Variants in PDE10A observed in about 807,000 individuals in gnomAD.
PDE10A encodes the protein phosphodiesterase 10A.
PDE10A carries 39 observed loss-of-function variants against 97.7 expected under a neutral mutation model. The ratio of observed to expected loss-of-function variants is 0.40; its 90% CI spans 0.31 to 0.52. PDE10A has a LOEUF of 0.52. Ranked by LOEUF, PDE10A falls within the 20% of genes least tolerant of loss-of-function variation. PDE10A has a pLI of 0.56. For missense variants in PDE10A, 731 were observed against 1,047.8 expected, an observed-to-expected ratio of 0.70 and a Z score of 4.17; for synonymous variants, 371 against 376.8, an observed-to-expected ratio of 0.98 and a Z score of 0.18.
chr6:165,478,806 C>A (rs1453513991), intron 3 of PDE10A, among the ~76,000 whole-genome samples: 4 of 152,286 alleles, frequency 2.6e-5, no homozygotes, highest in South Asian at 2.1e-4. Flanking sequence ...AAAGCTTGGG[C>A]TCCAAAACCC....
chr6:165,925,437 C>G (rs1458895313), intron 1 of PDE10A, among the ~76,000 whole-genome samples: 1 of 152,184 alleles, frequency 6.6e-6, no homozygotes, highest in African/African-American at 2.4e-5. Context: ...AACCTGTACA[C>G]AAATGTTCAT....
At chr6:165,552,549 A>C (rs964381462) in intron 1 of PDE10A, among the ~76,000 whole-genome samples, 1 of 152,166 alleles carries the variant, frequency 6.6e-6, no homozygotes, top group Non-Finnish European at 1.5e-5. Flanking sequence ...CCAATAAGAA[A>C]ACTGGGAATT....
intron 1 of PDE10A, among the ~76,000 whole-genome samples, chr6:165,855,881 G>A (rs559521799): frequency 3.2e-4 from 48 of 152,244 alleles, no homozygotes; most frequent in African/African-American, 1.0e-3. Flanking sequence ...AGGAAGCCCC[G>A]CTTTCTTTCT....
At chr6:165,541,485 T>C (rs1342605016) in intron 2 of PDE10A, among the ~76,000 whole-genome samples, 1 of 152,198 alleles carries the variant, frequency 6.6e-6, no homozygotes, top group Admixed American at 6.5e-5. Context: ...ACAATGTTTA[T>C]GAAAATTCAA....
chr6:165,586,871 T>C (rs996777650), intron 1 of PDE10A, among the ~76,000 whole-genome samples: 1 of 152,152 alleles, frequency 6.6e-6, no homozygotes, highest in Admixed American at 6.6e-5. Flanking sequence ...TCTTTTATAT[T>C]TGCCTTGAAA....
rs1785428735 is a variant in PDE10A, at chr6:165,388,060, G to A, written c.2610+238C>T. On this transcript the variant is annotated intron_variant, in intron 17 of 21. Coordinates refer to ENST00000539869, the MANE Select transcript of PDE10A (RefSeq NM_001385079.1). This position sits in a 1 kb window ranked among gnomAD's most constrained non-coding sequence, Gnocchi z 4.0. ...TGCTTTAGGGTTACAGGTACTTACT[G>A]ATATAATGTTTAAAAAACAAATGTG... Among the ~76,000 whole-genome samples the A allele has an allele frequency of 3.3e-5, 5 of 152,210 alleles. No individual in the cohort carries two copies. The highest frequency in any genetic ancestry group is 4.1e-4 in the South Asian group (2 of 4,820).
intron 1 of PDE10A, among the ~76,000 whole-genome samples, chr6:165,904,956 T>C (rs1036882522): frequency 2.6e-5 from 4 of 152,224 alleles, no homozygotes; most frequent in African/African-American, 9.6e-5. Context: ...CTTTTAGCTC[T>C]TGTGTCATAT....
At chr6:165,461,701 TTGAC>T (rs1373758372) in intron 3 of PDE10A, among the ~76,000 whole-genome samples, 17 of 152,206 alleles carry the variant, frequency 1.1e-4, no homozygotes, top group African/African-American at 4.1e-4. Context: ...TCCAGGACCT[TTGAC>T]TGAAGGGAAT....
chr6:165,939,466 T>C (rs1202588910), intron 1 of PDE10A: 1 of 152,242 alleles, frequency 6.6e-6, no homozygotes, highest in Non-Finnish European at 1.5e-5. Context: ...TTTTTTGGAC[T>C]TTTAAATTTT....
At chr6:165,747,291 TAC>T (rs1419266550) in intron 1 of PDE10A, among the ~76,000 whole-genome samples, 1 of 152,222 alleles carries the variant, frequency 6.6e-6, no homozygotes, top group Non-Finnish European at 1.5e-5. Flanking sequence ...GTGGTAGAGA[TAC>T]ATAGGCTTCC....
intron 13 of PDE10A, among the ~76,000 whole-genome samples, chr6:165,398,974 G>C (rs1024616642): frequency 6.6e-6 from 1 of 152,128 alleles, no homozygotes; most frequent in African/African-American, 2.4e-5. Flanking sequence ...AAATTAAAAT[G>C]ATGGAAAAGA....
chr6:165,596,480 G>A (rs1786603183), intron 1 of PDE10A, among the ~76,000 whole-genome samples: 3 of 152,186 alleles, frequency 2.0e-5, no homozygotes, highest in Admixed American at 2.0e-4. Flanking sequence ...TGTAATCCCA[G>A]CACCTCTGGT....
chr6:165,759,613 A>C (rs571031021), intron 1 of PDE10A, among the ~76,000 whole-genome samples: 3 of 152,328 alleles, frequency 2.0e-5, no homozygotes, highest in East Asian at 3.9e-4. Context: ...AAGGCTTAAC[A>C]CACTGCAGTG....
chr6:165,913,721 T>TG (rs1782530447), intron 1 of PDE10A, among the ~76,000 whole-genome samples: 1 of 152,114 alleles, frequency 6.6e-6, no homozygotes. Flanking sequence ...GAGACTCTCA[T>TG]GATTCTGTAA....
chr6:165,441,656 C>T (rs957229549), intron 5 of PDE10A, among the ~76,000 whole-genome samples: 2 of 152,126 alleles, frequency 1.3e-5, no homozygotes, highest in Admixed American at 1.3e-4. Context: ...AAAAGTATAA[C>T]GAGCACAGGA....
chr6:165,469,216 T>C (rs974717686), intron 3 of PDE10A, among the ~76,000 whole-genome samples: 1 of 152,210 alleles, frequency 6.6e-6, no homozygotes, highest in African/African-American at 2.4e-5. Context: ...GTCTGTAATC[T>C]GTTGTTAAGA....
chr6:165,600,110 T>C (rs1786852557), intron 1 of PDE10A, among the ~76,000 whole-genome samples: 1 of 152,094 alleles, frequency 6.6e-6, no homozygotes, highest in South Asian at 2.1e-4. Flanking sequence ...AAGGCTTTCA[T>C]CTCTGTCAAA....
chr6:165,845,709 C>A (rs1037884194), intron 1 of PDE10A, among the ~76,000 whole-genome samples: 1 of 152,200 alleles, frequency 6.6e-6, no homozygotes, highest in African/African-American at 2.4e-5. Context: ...TTAAAGCTAT[C>A]TGGAATCAAC....
intron 13 of PDE10A, among the ~76,000 whole-genome samples, chr6:165,398,738 T>A (rs1350649142): frequency 6.6e-6 from 1 of 151,836 alleles, no homozygotes; most frequent in African/African-American, 2.4e-5. Flanking sequence ...TATAACAAAA[T>A]CATTAAAATT....
Sources: gnomAD v4.1 joint callset for allele counts (sites outside exome capture counted in the v4.1 genomes callset) on GRCh38, gnomAD v4.1.1 for gene constraint, Gnocchi (gnomAD v3.1) non-coding constraint, MANE v1.5 for transcripts, NCBI Gene and HGNC (gene_info 2026-07-23, HGNC 2026-07-21) for gene names.